Variants in AP3S2 observed in about 807,000 individuals in gnomAD.
AP3S2 encodes the protein adaptor related protein complex 3 subunit sigma 2.
In AP3S2, 22 loss-of-function variants were observed where a neutral mutation model predicts 23.4. The ratio of observed to expected loss-of-function variants is 0.94; its 90% CI spans 0.67 to 1.34. The LOEUF is 1.34. Among genes scored for constraint, AP3S2 ranks in the 40% most tolerant of loss-of-function variants. AP3S2 has a pLI of 0.00. For missense variants in AP3S2, 241 were observed against 236.9 expected (o/e 1.02, Z -0.11); for synonymous variants, 86 against 87.1 (o/e 0.99, Z 0.07).
intron 4 of AP3S2, among the ~76,000 whole-genome samples, chr15:89,865,932 T>C (rs1253891192): frequency 6.6e-6 from 1 of 151,816 alleles, no homozygotes; most frequent in African/African-American, 2.4e-5. Flanking sequence ...GCAAAGAAGG[T>C]AAAACACAAA....
rs1433216583 is a variant in AP3S2 at position 89,834,259 on chromosome 15, TC to T, written c.*1255del. The T allele has an allele frequency of 6.6e-6, 1 of 152,312 alleles. No homozygotes were observed. Among genetic ancestry groups the T allele is most frequent in the African/African-American group, 2.4e-5 (1 of 41,468 alleles). The allele number at this position is 152,312 out of a possible 1,614,324, so 9.4% of individuals were successfully genotyped here. A position where few individuals can be genotyped will look rare whatever the true frequency, so the allele number is the denominator to read the frequency against. On this transcript the variant is annotated 3_prime_UTR_variant, in exon 6 of 6. Transcript: ENST00000336418. ...GAAGCTGGCCCAGGTGGCAGTGGGTTCCCTATGGAGGCAGCTCATCATTCAC... is the reference window on the plus strand; with the variant it reads ...GAAGCTGGCCCAGGTGGCAGTGGGTTCCTATGGAGGCAGCTCATCATTCAC...
chr15:89,857,666 C>A (rs1470266183), intron 4 of AP3S2, among the ~76,000 whole-genome samples: 3 of 152,180 alleles, frequency 2.0e-5, no homozygotes, highest in Non-Finnish European at 2.9e-5. Context: ...CTTATTAGAG[C>A]ACTCCTCTAT....
At chr15:89,855,711 G>A (rs1487816727) in intron 4 of AP3S2, among the ~76,000 whole-genome samples, 1 of 141,822 alleles carries the variant, frequency 7.1e-6, no homozygotes, top group Non-Finnish European at 1.5e-5. Context: ...TTAGCTGGGC[G>A]TGGTGGTGCA....
chr15:89,847,678 G>C (rs1275743114), intron 4 of AP3S2, among the ~76,000 whole-genome samples: 2 of 152,144 alleles, frequency 1.3e-5, no homozygotes, highest in Non-Finnish European at 2.9e-5. Flanking sequence ...TCTGGTACCT[G>C]AAGATAATAA....
chr15:89,853,549 A>C lies in AP3S2; in HGVS notation c.346-15827T>G, dbSNP rs899691035. On this transcript the variant is annotated intron_variant, in intron 4 of 5. Coordinates refer to ENST00000336418, the MANE Select transcript of AP3S2 (RefSeq NM_005829.5). ...CTGCCACCCCGTCTGGGAAGTGAGG[A>C]GTGTCTCTGCCTGGCCGCCCATCGT... Among the ~76,000 whole-genome samples the C allele has an allele frequency of 9.9e-5, 15 of 152,112 alleles. 1 individual carries two copies. In the South Asian group the frequency reaches 1.2e-3, roughly 13 times the overall value.
At chr15:89,856,935 C>G (rs1381876444) in intron 4 of AP3S2, among the ~76,000 whole-genome samples, 1 of 151,672 alleles carries the variant, frequency 6.6e-6, no homozygotes, top group Non-Finnish European at 1.5e-5. Context: ...GGACACATAT[C>G]TATTTCACAT....
intron 1 of AP3S2, chr15:89,893,626 G>A (rs76137333): frequency 4.6e-4 from 220 of 478,980 alleles, no homozygotes; most frequent in African/African-American, 4.1e-3. Flanking sequence ...AGAGACCCAC[G>A]GGAAAATGTC....
intron 4 of AP3S2, among the ~76,000 whole-genome samples, chr15:89,850,934 CA>C (rs1393991593): frequency 6.6e-6 from 1 of 152,102 alleles, no homozygotes; most frequent in East Asian, 1.9e-4. Context: ...AGGCTGATCT[CA>C]AACTCCTGGG....
At chr15:89,849,215 ACATTAAATCAC>A (rs1895574157) in intron 4 of AP3S2, among the ~76,000 whole-genome samples, 1 of 152,208 alleles carries the variant, frequency 6.6e-6, no homozygotes, top group Non-Finnish European at 1.5e-5. Flanking sequence ...CATGAAAGAG[ACATTAAATCAC>A]CATTAAATCA....
In AP3S2 at chr15:89,831,752, G is replaced by C. The variant is rs1211025121; in HGVS notation, c.*3763C>G. ...TGTGGCAGAGGCCTGAATAAACAGGGATTTGAGAGGGCTCAAGATATCCTG... is the reference window on the plus strand; with the variant it reads ...TGTGGCAGAGGCCTGAATAAACAGGCATTTGAGAGGGCTCAAGATATCCTG... On this transcript the variant is annotated 3_prime_UTR_variant, in exon 6 of 6. Coordinates refer to ENST00000336418, the MANE Select transcript of AP3S2 (RefSeq NM_005829.5). 1 of 152,300 alleles carries C rather than the reference G, an allele frequency of 6.6e-6. No homozygotes were observed. Among genetic ancestry groups the C allele is most frequent in the East Asian group, 1.9e-4 (1 of 5,202 alleles). The allele number at this position is 152,300 out of a possible 1,614,324, so 9.4% of individuals were successfully genotyped here. A position where few individuals can be genotyped will look rare whatever the true frequency, so the allele number is the denominator to read the frequency against.
At chr15:89,835,698 TGC>T in intron 5 of AP3S2, 55 bp from the exon 6 acceptor site, 2 of 1,167,632 alleles carry the variant, frequency 1.7e-6, no homozygotes, top group Non-Finnish European at 2.2e-6. Context: ...ATCTGCTTAA[TGC>T]TAAAAAAAAA....
chr15:89,893,633 T>A lies in AP3S2; in HGVS notation c.69+248A>T, dbSNP rs187909706. 7.1e-4 allele frequency: 347 copies of A among 486,014 alleles called. 2 individuals carry two copies. Among genetic ancestry groups the A allele is most frequent in the African/African-American group, 6.3e-3 (316 of 49,940 alleles). The allele number at this position is 486,014 out of a possible 1,614,324, so 30.1% of individuals were successfully genotyped here. A position where few individuals can be genotyped will look rare whatever the true frequency, so the allele number is the denominator to read the frequency against. ...TCGTTCCCAGAGACCCACGGGAAAA[T>A]GTCACAAAATGGCACAGAAATGCCA... On this transcript the variant is annotated intron_variant, in intron 1 of 5. Transcript: ENST00000336418.
At chr15:89,854,508 C>T (rs1210807237) in intron 4 of AP3S2, among the ~76,000 whole-genome samples, 7 of 77,164 alleles carry the variant, frequency 9.1e-5, no homozygotes, top group Non-Finnish European at 1.1e-4. Flanking sequence ...CCGCCCCGTC[C>T]GGGAGGGAGG....
chr15:89,883,858 T>C (rs1362009872), intron 3 of AP3S2: 1 of 152,164 alleles, frequency 6.6e-6, no homozygotes, highest in Non-Finnish European at 1.5e-5. Flanking sequence ...ACACTTAAAA[T>C]CCAAAAACCT....
intron 1 of AP3S2, 189 bp from the exon 2 acceptor site, chr15:89,889,329 G>C: frequency 1.6e-6 from 1 of 620,554 alleles, no homozygotes; most frequent in Non-Finnish European, 2.8e-6. Flanking sequence ...ACAATGCTCT[G>C]ATACAGGAAT....
chr15:89,846,991 T>C (rs746591285), intron 4 of AP3S2, among the ~76,000 whole-genome samples: 3 of 152,152 alleles, frequency 2.0e-5, no homozygotes, highest in Non-Finnish European at 4.4e-5. Flanking sequence ...TTTTCTAGGA[T>C]GCTATCACCT....
At chr15:89,840,265 A>G (rs1160887298) in intron 4 of AP3S2, among the ~76,000 whole-genome samples, 1 of 152,210 alleles carries the variant, frequency 6.6e-6, no homozygotes, top group Non-Finnish European at 1.5e-5. Context: ...ATAGTCCTCT[A>G]TACCTGCACT....
chr15:89,864,176 C>A (rs908056815), intron 4 of AP3S2, among the ~76,000 whole-genome samples: 6 of 152,252 alleles, frequency 3.9e-5, no homozygotes, highest in Middle Eastern at 6.8e-3. Flanking sequence ...GAAGATAAGA[C>A]ATATGAGGAA....
intron 4 of AP3S2, among the ~76,000 whole-genome samples, chr15:89,851,089 A>C (rs1267845095): frequency 2.6e-5 from 4 of 152,234 alleles, no homozygotes; most frequent in African/African-American, 9.6e-5. Context: ...GGAAGAAGGA[A>C]ATGAAGATAA....
Sources: allele counts gnomAD v4.1 joint callset (sites outside exome capture counted in the v4.1 genomes callset), GRCh38; gene constraint gnomAD v4.1.1; transcripts MANE v1.5; gene names NCBI Gene and HGNC (gene_info 2026-07-23, HGNC 2026-07-21).